Variants in KCNJ6 observed in about 807,000 individuals in gnomAD.
KCNJ6 encodes G protein-activated inward rectifier potassium channel 2.
KCNJ6 carries 9 observed loss-of-function variants against 34.2 expected under a neutral mutation model. The ratio of observed to expected loss-of-function variants is 0.26; its 90% CI spans 0.16 to 0.46. The LOEUF is 0.46. KCNJ6 is among the 20% of genes least tolerant of loss of function. KCNJ6 has a pLI of 1.00. For missense variants in KCNJ6, 236 were observed against 531.3 expected (o/e 0.44, Z 5.46); for synonymous variants, 196 against 207.1 (o/e 0.95, Z 0.46).
chr21:37,778,260 TCC>T (rs1270743420), intron 2 of KCNJ6, among the ~76,000 whole-genome samples: 1 of 152,128 alleles, frequency 6.6e-6, no homozygotes, highest in Non-Finnish European at 1.5e-5. Context: ...AAGGATCTCT[TCC>T]CCAACCCGTT....
At chr21:37,899,153 C>T (rs1176391338) in intron 1 of KCNJ6, among the ~76,000 whole-genome samples, 1 of 152,170 alleles carries the variant, frequency 6.6e-6, no homozygotes, top group Non-Finnish European at 1.5e-5. Context: ...GGAGAGACGG[C>T]TCCGTCTGTT....
chr21:37,690,500 G>T (rs2054634721), intron 3 of KCNJ6, among the ~76,000 whole-genome samples: 1 of 152,188 alleles, frequency 6.6e-6, no homozygotes, highest in Admixed American at 6.5e-5. Flanking sequence ...AATGGGCATT[G>T]CTGGGATAAA....
chr21:37,625,098 A>T lies in KCNJ6; in HGVS notation c.*61T>A. The T allele has an allele frequency of 1.7e-6, 2 of 1,165,832 alleles. No individual in the cohort carries two copies. Among genetic ancestry groups the T allele is most frequent in the South Asian group, 2.8e-5 (2 of 71,372 alleles). The allele number at this position is 1,165,832 out of a possible 1,614,324, so 72.2% of individuals were successfully genotyped here. A position where few individuals can be genotyped will look rare whatever the true frequency, so the allele number is the denominator to read the frequency against. ...GCAAGAGAGACAGAAAAAGAAAGAG[A>T]ATGAGAGACAAGGAAAGATTGTGTT... On this transcript the variant is annotated 3_prime_UTR_variant, in exon 4 of 4. Transcript: ENST00000609713.
At chr21:37,649,157 A>C (rs9636636) in intron 3 of KCNJ6, among the ~76,000 whole-genome samples, 4,243 of 132,886 alleles carry the variant, frequency 0.032, 127 homozygotes, top group East Asian at 0.053. Context: ...AAAAAAAAGA[A>C]AGAAAAAGAA....
intron 2 of KCNJ6, among the ~76,000 whole-genome samples, chr21:37,834,972 G>A (rs2055444685): frequency 6.6e-6 from 1 of 152,208 alleles, no homozygotes; most frequent in Non-Finnish European, 1.5e-5. Context: ...ATGTGGATGT[G>A]TTATGGTGGT....
intron 3 of KCNJ6, among the ~76,000 whole-genome samples, chr21:37,703,813 G>A (rs1215828391): frequency 2.2e-5 from 2 of 89,756 alleles, no homozygotes; most frequent in African/African-American, 9.4e-5. Flanking sequence ...GGTAGTGGAG[G>A]ACACCTTGCC....
intron 3 of KCNJ6, among the ~76,000 whole-genome samples, chr21:37,664,374 C>T (rs572813724): frequency 6.6e-6 from 1 of 151,934 alleles, no homozygotes; most frequent in East Asian, 1.9e-4. Context: ...AAATAGAAAA[C>T]AACTGTGCAA....
intron 3 of KCNJ6, among the ~76,000 whole-genome samples, chr21:37,665,740 C>T (rs1178793306): frequency 1.3e-5 from 2 of 152,242 alleles, no homozygotes; most frequent in Non-Finnish European, 2.9e-5. Flanking sequence ...GTATCACAGA[C>T]AATTTTTGTA....
chr21:37,753,631 A>C (rs2055008299), intron 2 of KCNJ6, among the ~76,000 whole-genome samples: 2 of 152,222 alleles, frequency 1.3e-5, no homozygotes, highest in African/African-American at 2.4e-5. Flanking sequence ...ATCCACTTGG[A>C]ATCGAAAAGG....
chr21:37,659,824 G>A (rs1435356536), intron 3 of KCNJ6, among the ~76,000 whole-genome samples: 1 of 152,200 alleles, frequency 6.6e-6, no homozygotes, highest in Non-Finnish European at 1.5e-5. Context: ...CCTCTCCAAT[G>A]AGCAGTGATT....
chr21:37,760,693 CT>C (rs2055056781), intron 2 of KCNJ6, among the ~76,000 whole-genome samples: 1 of 152,154 alleles, frequency 6.6e-6, no homozygotes, highest in African/African-American at 2.4e-5. Flanking sequence ...TGCCTTTTTC[CT>C]TTTATCCCTA....
chr21:37,710,002 C>G (rs114663054), intron 3 of KCNJ6, among the ~76,000 whole-genome samples: 67 of 152,220 alleles, frequency 4.4e-4, no homozygotes, highest in Admixed American at 2.9e-3. Flanking sequence ...TCCACTCTCC[C>G]CAGTGTTCTA....
chr21:37,908,649 A>G (rs16995636), intron 1 of KCNJ6, among the ~76,000 whole-genome samples: 1,535 of 152,362 alleles, frequency 0.01, 31 homozygotes, highest in African/African-American at 0.035. Context: ...ACAGAAATCA[A>G]ACAATATGTA....
At chr21:37,701,395 T>TTGTG (rs71198889) in intron 3 of KCNJ6, among the ~76,000 whole-genome samples, 24,575 of 151,438 alleles carry the variant, frequency 0.16, 2,261 homozygotes, top group East Asian at 0.38. Context: ...GGTTAACTTT[T>TTGTG]TGTGTGTGTG....
chr21:37,767,906 T>A (rs2055099228), intron 2 of KCNJ6, among the ~76,000 whole-genome samples: 1 of 152,230 alleles, frequency 6.6e-6, no homozygotes, highest in Non-Finnish European at 1.5e-5. Flanking sequence ...TTGTATTTTA[T>A]ACACCTAAGC....
At chr21:37,811,784 C>T (rs183847112) in intron 2 of KCNJ6, among the ~76,000 whole-genome samples, 1 of 152,212 alleles carries the variant, frequency 6.6e-6, no homozygotes, top group Admixed American at 6.5e-5. Context: ...TTTTCAACCT[C>T]AGACATACCA....
intron 1 of KCNJ6, among the ~76,000 whole-genome samples, chr21:37,859,251 T>C (rs1601504991): frequency 6.6e-6 from 1 of 151,934 alleles, no homozygotes; most frequent in South Asian, 2.1e-4. Flanking sequence ...TAAAAGAGAA[T>C]ATATGGTAGT....
chr21:37,800,660 C>A (rs184878096), intron 2 of KCNJ6, among the ~76,000 whole-genome samples: 1 of 152,154 alleles, frequency 6.6e-6, no homozygotes, highest in African/African-American at 2.4e-5. Context: ...CCTGAAGGGC[C>A]GCTGATAACC....
rs529396229 is a variant in KCNJ6, at chr21:37,714,386, C to T, written c.771G>A (p.Gln257=). Residue 257 remains glutamine (Q), a synonymous_variant, in exon 3 of 4, where the codon CAG becomes CAA. Coordinates refer to ENST00000609713, the MANE Select transcript of KCNJ6 (RefSeq NM_002240.5). The surrounding 1 kb of genome is among the most constrained non-coding windows in gnomAD (Gnocchi z 5.9). ...TGTAATACCCTACGTTGATATCCGT[C>T]TGGTTCAACGGGATGAACTCCCCCT... ...TSEGEFIPLN[Q]TDINVGYYTG... 1 of 1,614,052 alleles carries T rather than the reference C, an allele frequency of 6.2e-7. No individual in the cohort carries two copies. The highest frequency in any genetic ancestry group is 8.5e-7 in the Non-Finnish European group (1 of 1,180,020).
Sources: gnomAD v4.1 joint callset for allele counts (sites outside exome capture counted in the v4.1 genomes callset) on GRCh38, gnomAD v4.1.1 for gene constraint, Gnocchi (gnomAD v3.1) non-coding constraint, MANE v1.5 for transcripts, NCBI Gene and HGNC (gene_info 2026-07-23, HGNC 2026-07-21) for gene names.